The following DGKH variants were observed in gnomAD, a reference collection of about 807,000 sequenced individuals.
The protein encoded by DGKH is diacylglycerol kinase eta, also known as DAG kinase eta.
In DGKH, 90 loss-of-function variants were observed where a neutral mutation model predicts 159.3. That is an observed-to-expected ratio of 0.57 (90% CI 0.48 to 0.67). The LOEUF is 0.67. Among genes scored for constraint, DGKH ranks in the 30% least tolerant of loss-of-function variants. The pLI, the probability that DGKH is intolerant of heterozygous loss-of-function variation, is 0.00. For synonymous variants in DGKH, 536 were observed against 553.8 expected (o/e 0.97, Z 0.45); for missense variants, 1,181 against 1,506.1 (o/e 0.78, Z 3.57).
intron 1 of DGKH, among the ~76,000 whole-genome samples, chr13:42,073,072 A>T (rs1040585591): frequency 3.3e-5 from 5 of 152,136 alleles, no homozygotes; most frequent in African/African-American, 1.2e-4. Flanking sequence ...CTTAAACGAT[A>T]TTTGTTGAAT....
At chr13:42,225,965 A>G (rs1203819989) in intron 29 of DGKH, among the ~76,000 whole-genome samples, 2 of 152,088 alleles carry the variant, frequency 1.3e-5, no homozygotes, top group Non-Finnish European at 2.9e-5. Context: ...TAATTACACT[A>G]AAGAGCTTCT....
intron 24 of DGKH, among the ~76,000 whole-genome samples, chr13:42,213,781 T>C (rs1421140316): frequency 2.0e-5 from 3 of 152,230 alleles, no homozygotes; most frequent in South Asian, 2.1e-4. Flanking sequence ...CTTGCTCATC[T>C]GCAGGTCTTA....
intron 28 of DGKH, 41 bp from the exon 29 acceptor site, chr13:42,221,223 G>A: frequency 1.9e-6 from 3 of 1,610,048 alleles, no homozygotes; most frequent in East Asian, 2.2e-5. Flanking sequence ...AATGCATTGA[G>A]CATGTAGAAA....
intron 1 of DGKH, among the ~76,000 whole-genome samples, chr13:42,091,528 T>C (rs1279430974): frequency 2.0e-5 from 3 of 152,110 alleles, no homozygotes; most frequent in African/African-American, 7.2e-5. Context: ...TTCAAAGATA[T>C]ACAAATCATT....
At chr13:42,065,118 T>C (rs1882467514) in intron 1 of DGKH, among the ~76,000 whole-genome samples, 1 of 152,168 alleles carries the variant, frequency 6.6e-6, no homozygotes, top group South Asian at 2.1e-4. Context: ...CTTTTTCCAA[T>C]AGGGCACCTC....
rs934359166 is a variant in DGKH at position 42,142,903 on chromosome 13, A to G, written c.385-12388A>G. On this transcript the variant is annotated intron_variant, in intron 3 of 29. Transcript: ENST00000337343. ...TACCGTTTATTTCCTTCTCCTGCCT[A>G]ATTGCCCTGGCCAGAACTTCCAACA... 1.2e-4 allele frequency among the ~76,000 whole-genome samples: 19 copies of G among 152,220 alleles called. No homozygotes were observed. The East Asian group carries it at 1.5e-3, about 12-fold the overall frequency.
intron 1 of DGKH, among the ~76,000 whole-genome samples, chr13:42,050,614 G>T (rs1881204884): frequency 6.6e-6 from 1 of 152,246 alleles, no homozygotes; most frequent in Non-Finnish European, 1.5e-5. Flanking sequence ...TTTCCTAAAA[G>T]TGTTTTTAAT....
intron 3 of DGKH, among the ~76,000 whole-genome samples, chr13:42,139,862 T>G (rs1403471542): frequency 6.6e-6 from 1 of 152,188 alleles, no homozygotes; most frequent in African/African-American, 2.4e-5. Flanking sequence ...CAGGGATAGG[T>G]CCCTGTCTTT....
At position 42,098,473 on chromosome 13, in the gene DGKH, C is replaced by T. The variant is rs1238638914; in HGVS notation, c.193-28990C>T. ...CTGCACTTCAGCCTGAGCAACAGAG[C>T]GAGACTCTGTCTCAAAAAAAAAAAA... On this transcript the variant is annotated intron_variant, in intron 1 of 29. Transcript: ENST00000337343. Among the ~76,000 whole-genome samples the T allele has an allele frequency of 4.0e-5, 6 of 148,410 alleles. No individual in the cohort carries two copies. In the East Asian group the frequency reaches 5.8e-4, roughly 14 times the overall value.
rs142298264 is a variant in DGKH at position 42,210,721 on chromosome 13, G to A, written c.2970G>A (p.Ser990=). The A allele has an allele frequency of 1.2e-5, 20 of 1,612,294 alleles. No individual in the cohort carries two copies. The highest frequency in any genetic ancestry group is 2.1e-4 in the Middle Eastern group (1 of 4,726). Residue 990 remains serine, a synonymous_variant, in exon 24 of 30, where the codon TCG becomes TCA. Transcript: ENST00000337343. The part of the protein sequence containing the change: ...HAIDLATEEV[S]QMQLCSQAAE... ...TTGACTTGGCAACAGAAGAGGTGTCGCAGATGCAGCTATGCTCCCAGGCTG... is the reference window on the plus strand; with the variant it reads ...TTGACTTGGCAACAGAAGAGGTGTCACAGATGCAGCTATGCTCCCAGGCTG...
chr13:42,252,514 C>T (rs1958627648), intron 30 of DGKH: 1 of 152,450 alleles, frequency 6.6e-6, no homozygotes, highest in Non-Finnish European at 1.5e-5. Context: ...CGGCCTATAT[C>T]CCAAGCGAAT....
intron 14 of DGKH, among the ~76,000 whole-genome samples, chr13:42,187,485 T>A (rs1956961178): frequency 6.6e-6 from 1 of 152,084 alleles, no homozygotes; most frequent in African/African-American, 2.4e-5. Flanking sequence ...CAAGCGATTC[T>A]CCTGTCTCAG....
intron 3 of DGKH, among the ~76,000 whole-genome samples, chr13:42,134,535 A>C (rs1408110485): frequency 6.6e-6 from 1 of 152,200 alleles, no homozygotes; most frequent in Admixed American, 6.5e-5. Flanking sequence ...TAGGCCACAC[A>C]GTATTGCTAG....
rs954211228 is a variant in DGKH, at chr13:42,069,567, T to G, written c.192+20602T>G. 46 of 1,592,794 alleles carry G rather than the reference T, an allele frequency of 2.9e-5. No homozygotes were observed. The Admixed American group carries it at 7.0e-4, about 24-fold the overall frequency. On this transcript the variant is annotated intron_variant, in intron 1 of 29. Transcript: ENST00000337343. ...CTTTTCCAGCCAGTTGCCGTGATGCTTCCTCTAGCGCTATCTGGGCTTTAA... is the reference window on the plus strand; with the variant it reads ...CTTTTCCAGCCAGTTGCCGTGATGCGTCCTCTAGCGCTATCTGGGCTTTAA...
chr13:42,126,120 C>G (rs643396), intron 1 of DGKH, among the ~76,000 whole-genome samples: 1 of 151,954 alleles, frequency 6.6e-6, no homozygotes, highest in African/African-American at 2.4e-5. Context: ...TTTCCTTCCT[C>G]TCTTCTTTCC....
chr13:42,043,195 A>ATG (rs1005011231), intron 1 of DGKH, among the ~76,000 whole-genome samples: 1 of 151,968 alleles, frequency 6.6e-6, no homozygotes. Context: ...ATATGTATTG[A>ATG]TGTGTGTGTG....
chr13:42,198,146 A>G (rs1957249580), intron 17 of DGKH, among the ~76,000 whole-genome samples: 1 of 152,204 alleles, frequency 6.6e-6, no homozygotes, highest in African/African-American at 2.4e-5. Context: ...TATAGACTTA[A>G]TACCATCTTT....
At chr13:42,070,567 C>T (rs1405058128) in intron 1 of DGKH, 23 of 1,532,544 alleles carry the variant, frequency 1.5e-5, no homozygotes, top group Admixed American at 5.2e-5. Flanking sequence ...ATCCATGATC[C>T]GTGCAAGACC....
exon 31 of DGKH, chr13:42,256,571 A>C (rs183455342): frequency 1.5e-6 from 1 of 667,298 alleles, no homozygotes; most frequent in East Asian, 2.7e-5. Context: ...ACGTGTATAT[A>C]ATTTTTTAAA....
Sources: allele counts gnomAD v4.1 joint callset (sites outside exome capture counted in the v4.1 genomes callset), GRCh38; gene constraint gnomAD v4.1.1; transcripts MANE v1.5; gene names NCBI Gene and HGNC (gene_info 2026-07-23, HGNC 2026-07-21).